ARSJ: variants seen among roughly 807,000 people sequenced by gnomAD.
ARSJ encodes the protein arylsulfatase family member J, also known as arylsulfatase J.
Under a neutral mutation model 35.9 loss-of-function variants are expected in ARSJ, and 26 were observed. That is an observed-to-expected ratio of 0.72 (90% CI 0.53 to 1.00). The LOEUF (loss-of-function observed/expected upper bound fraction) is 1.00, where lower values mean the gene tolerates loss of function less well. Among genes scored for constraint, ARSJ ranks in the 50% least tolerant of loss-of-function variants. The pLI, the probability that ARSJ is intolerant of heterozygous loss-of-function variation, is 0.00. For synonymous variants in ARSJ, 294 were observed against 267.6 expected (o/e 1.10, Z -0.96); for missense variants, 667 against 723.6 (o/e 0.92, Z 0.90).
chr4:113,955,585 C>T (rs1208660101), intron 1 of ARSJ, among the ~76,000 whole-genome samples: 1 of 151,996 alleles, frequency 6.6e-6, no homozygotes, highest in Admixed American at 6.6e-5. Context: ...ATGGGTAGAA[C>T]TCAATAAATA....
intron 1 of ARSJ, among the ~76,000 whole-genome samples, chr4:113,933,444 A>T (rs1023882911): frequency 1.3e-5 from 2 of 151,990 alleles, no homozygotes; most frequent in African/African-American, 4.8e-5. Context: ...GGGATGCAAA[A>T]ATTATCAACA....
chr4:113,929,051 G>T (rs1440360399), intron 1 of ARSJ, among the ~76,000 whole-genome samples: 1 of 152,092 alleles, frequency 6.6e-6, no homozygotes, highest in Non-Finnish European at 1.5e-5. Context: ...ATTAAAAGCA[G>T]AGTCCCTACT....
At chr4:113,920,906 C>T (rs1723631007) in intron 1 of ARSJ, among the ~76,000 whole-genome samples, 2 of 152,042 alleles carry the variant, frequency 1.3e-5, no homozygotes, top group African/African-American at 4.8e-5. Flanking sequence ...GAACCACTGA[C>T]AAGCATTAGA....
intron 1 of ARSJ, among the ~76,000 whole-genome samples, chr4:113,935,567 G>A (rs1409645850): frequency 6.6e-6 from 1 of 151,842 alleles, no homozygotes; most frequent in African/African-American, 2.4e-5. Context: ...AGTTAGTAAA[G>A]AGTAGTATCT....
At chr4:113,904,366 A>G (rs1296616011) in intron 1 of ARSJ, among the ~76,000 whole-genome samples, 1 of 152,226 alleles carries the variant, frequency 6.6e-6, no homozygotes, top group Non-Finnish European at 1.5e-5. Flanking sequence ...CTTTTAACCT[A>G]GGGGCCTTCT....
At chr4:113,911,441 A>G (rs934105623) in intron 1 of ARSJ, among the ~76,000 whole-genome samples, 4 of 152,206 alleles carry the variant, frequency 2.6e-5, no homozygotes, top group African/African-American at 9.6e-5. Flanking sequence ...TTGGAGTGGA[A>G]CAAGACCTAG....
chr4:113,927,759 C>T (rs1252885031), intron 1 of ARSJ, among the ~76,000 whole-genome samples: 2 of 152,290 alleles, frequency 1.3e-5, no homozygotes, highest in Non-Finnish European at 2.9e-5. Context: ...CTGTCTTCTG[C>T]ACAGGCCAAA....
intron 1 of ARSJ, among the ~76,000 whole-genome samples, chr4:113,935,848 A>T (rs767137505): frequency 1.4e-4 from 21 of 151,986 alleles, no homozygotes; most frequent in Non-Finnish European, 2.4e-4. Flanking sequence ...ACCACTTGAA[A>T]AACACATGTA....
rs1454284681 is a variant in ARSJ at position 113,974,254 on chromosome 4, G to C, written c.398+4183C>G. The stretch of plus-strand genomic sequence containing the variant: ...CTTAAATAGGACATAAAAAGAAAAA[G>C]ATTATAACATGGATTACAAGAAAAT... On this transcript the variant is annotated intron_variant, in intron 1 of 1. Transcript: ENST00000315366. Among the ~76,000 whole-genome samples, 3 of 151,736 alleles carry C rather than the reference G, an allele frequency of 2.0e-5. No individual in the cohort carries two copies. The East Asian group carries it at 5.8e-4, about 29-fold the overall frequency.
intron 1 of ARSJ, among the ~76,000 whole-genome samples, chr4:113,904,523 C>T (rs2099668139): frequency 6.6e-6 from 1 of 152,170 alleles, no homozygotes; most frequent in South Asian, 2.1e-4. Flanking sequence ...CTCGCTCTGT[C>T]GCCCAGGCTG....
At chr4:113,941,310 A>G (rs905326294) in intron 1 of ARSJ, among the ~76,000 whole-genome samples, 3 of 152,026 alleles carry the variant, frequency 2.0e-5, no homozygotes, top group Non-Finnish European at 2.9e-5. Context: ...GTTTTTTGGT[A>G]TCTCTGGTAA....
At chr4:113,938,902 T>A (rs1367844165) in intron 1 of ARSJ, among the ~76,000 whole-genome samples, 1 of 151,960 alleles carries the variant, frequency 6.6e-6, no homozygotes, top group Non-Finnish European at 1.5e-5. Flanking sequence ...ATGGCAATTA[T>A]TTTTTATTAT....
chr4:113,908,214 G>T (rs940421161), intron 1 of ARSJ, among the ~76,000 whole-genome samples: 6 of 152,206 alleles, frequency 3.9e-5, no homozygotes, highest in African/African-American at 1.2e-4. Context: ...ACTTAAATGG[G>T]ATCTCAGGAT....
At chr4:113,955,186 TA>T (rs1726099681) in intron 1 of ARSJ, among the ~76,000 whole-genome samples, 1 of 151,922 alleles carries the variant, frequency 6.6e-6, no homozygotes, top group Non-Finnish European at 1.5e-5. Context: ...AGGAGTAAAC[TA>T]AAGCCACTTC....
intron 1 of ARSJ, among the ~76,000 whole-genome samples, chr4:113,976,124 A>AAAATG (rs1727576754): frequency 6.6e-6 from 1 of 152,208 alleles, no homozygotes; most frequent in Non-Finnish European, 1.5e-5. Context: ...GTAGTAAAAG[A>AAAATG]AAATGGATTT....
rs1281362454 is a variant in ARSJ, at chr4:113,979,024, G to A, written c.-190C>T. ...TGGCTTAATGGATGGGACTCCGGAA[G>A]AACAAGGAGGGCTCGCTCTTCTCCA... On this transcript the variant is annotated 5_prime_UTR_variant, in exon 1 of 2. Transcript: ENST00000315366. The A allele has an allele frequency of 3.7e-6, 2 of 542,098 alleles. No individual in the cohort carries two copies. Among genetic ancestry groups the A allele is most frequent in the Non-Finnish European group, 6.3e-6 (2 of 317,214 alleles). 33.6% of individuals were successfully genotyped at this position (542,098 alleles called of 1,614,324 possible).
intron 1 of ARSJ, among the ~76,000 whole-genome samples, chr4:113,920,462 G>A (rs1264399865): frequency 6.6e-6 from 1 of 152,086 alleles, no homozygotes; most frequent in Non-Finnish European, 1.5e-5. Flanking sequence ...TCAATATTAA[G>A]AAAACTCTTC....
At chr4:113,933,525 G>C (rs1724586953) in intron 1 of ARSJ, among the ~76,000 whole-genome samples, 1 of 151,776 alleles carries the variant, frequency 6.6e-6, no homozygotes, top group Non-Finnish European at 1.5e-5. Context: ...TTTCATCCTA[G>C]GGATGCAAGG....
intron 1 of ARSJ, among the ~76,000 whole-genome samples, chr4:113,959,425 C>T (rs1341890245): frequency 1.3e-5 from 2 of 151,852 alleles, no homozygotes; most frequent in East Asian, 1.9e-4. Flanking sequence ...ATAAAGCTCT[C>T]GAGACACTTC....
Sources: allele counts gnomAD v4.1 joint callset (sites outside exome capture counted in the v4.1 genomes callset), GRCh38; gene constraint gnomAD v4.1.1; transcripts MANE v1.5; gene names NCBI Gene and HGNC (gene_info 2026-07-23, HGNC 2026-07-21).